TBX5: variants seen among roughly 807,000 people sequenced by gnomAD.
TBX5 encodes the protein T-box transcription factor TBX5.
TBX5 carries 8 observed loss-of-function variants against 51.1 expected under a neutral mutation model. The observed-to-expected ratio is 0.16, with a 90% CI of 0.09 to 0.28. The LOEUF (loss-of-function observed/expected upper bound fraction) is 0.28. Among genes scored for constraint, TBX5 ranks in the 10% least tolerant of loss-of-function variants. The pLI is 1.00. For missense variants in TBX5, 589 were observed against 671.7 expected (o/e 0.88, Z 1.36); for synonymous variants, 302 against 266.4 (o/e 1.13, Z -1.30).
intron 5 of TBX5, among the ~76,000 whole-genome samples, chr12:114,396,264 G>A (rs1423222149): frequency 1.3e-5 from 2 of 151,728 alleles, no homozygotes; most frequent in Non-Finnish European, 2.9e-5. Flanking sequence ...CGATAGCGAC[G>A]CCGACCGGGG....
chr12:114,357,695 C>G (rs1869000894), intron 8 of TBX5, among the ~76,000 whole-genome samples: 1 of 152,200 alleles, frequency 6.6e-6, no homozygotes, highest in African/African-American at 2.4e-5. Context: ...TCAGGGGAAG[C>G]AATACTTGGG....
Position 114,403,904 on chromosome 12 carries a change from G to T in TBX5, c.-6C>A, listed in dbSNP as rs1593886707. ...CCCTCGTCTGCGTCGGCCATGGTGCGCCCAGGGCCCTGTGCCCGCGCAAGG... is the reference window on the plus strand; with the variant it reads ...CCCTCGTCTGCGTCGGCCATGGTGCTCCCAGGGCCCTGTGCCCGCGCAAGG... On this transcript the variant is annotated 5_prime_UTR_variant, in exon 2 of 9. Transcript: ENST00000405440. The T allele has an allele frequency of 6.2e-7, 1 of 1,610,942 alleles. No homozygotes were observed. The highest frequency in any genetic ancestry group is 8.5e-7 in the Non-Finnish European group (1 of 1,179,762).
At chr12:114,363,054 A>G (rs2136369372) in intron 8 of TBX5, among the ~76,000 whole-genome samples, 1 of 152,372 alleles carries the variant, frequency 6.6e-6, no homozygotes, top group South Asian at 2.1e-4. Context: ...GCCTGTGGCA[A>G]GCACATGTTC....
At chr12:114,382,235 G>T (rs1245453928) in intron 7 of TBX5, among the ~76,000 whole-genome samples, 1 of 152,148 alleles carries the variant, frequency 6.6e-6, no homozygotes, top group African/African-American at 2.4e-5. Context: ...GACCACCTGA[G>T]CCTGGAAGGT....
intron 5 of TBX5, among the ~76,000 whole-genome samples, chr12:114,396,507 C>T (rs1157443054): frequency 1.3e-5 from 2 of 152,118 alleles, no homozygotes; most frequent in African/African-American, 2.4e-5. Context: ...GCTCCGAGCC[C>T]CTCTCCCCAG....
At chr12:114,405,604 C>G in intron 1 of TBX5, 24 bp downstream of exon 1, 1 of 752,516 alleles carries the variant, frequency 1.3e-6, no homozygotes, top group Non-Finnish European at 1.6e-6. Flanking sequence ...CTGAGCCTCC[C>G]GGGCCATCTG....
chr12:114,397,437 A>G (rs1454550665), intron 5 of TBX5, among the ~76,000 whole-genome samples: 2 of 152,268 alleles, frequency 1.3e-5, no homozygotes, highest in Admixed American at 6.5e-5. Flanking sequence ...CTTGTATGGC[A>G]GAATCATCCA....
chr12:114,400,100 G>A (rs1290808516), intron 3 of TBX5, among the ~76,000 whole-genome samples: 1 of 152,208 alleles, frequency 6.6e-6, no homozygotes, highest in Non-Finnish European at 1.5e-5. Context: ...CAAGGTGTGT[G>A]CGCCCCAGAG....
At chr12:114,399,094 C>T (rs1871627516) in intron 4 of TBX5, among the ~76,000 whole-genome samples, 3 of 152,200 alleles carry the variant, frequency 2.0e-5, no homozygotes, top group Non-Finnish European at 4.4e-5. Flanking sequence ...AAGAAATGGG[C>T]CTCTCCTAAC....
At chr12:114,362,501 A>G (rs942600908) in intron 8 of TBX5, among the ~76,000 whole-genome samples, 1 of 151,762 alleles carries the variant, frequency 6.6e-6, no homozygotes, top group Non-Finnish European at 1.5e-5. Flanking sequence ...GCTTTCCTCT[A>G]TGTGTGGATA....
intron 4 of TBX5, 32 bp downstream of exon 4, chr12:114,399,481 C>T: frequency 1.2e-6 from 2 of 1,613,422 alleles, no homozygotes; most frequent in Non-Finnish European, 1.7e-6. Flanking sequence ...ACTTTTCTCT[C>T]TCCCCGCTCC....
upstream of TBX5, chr12:114,408,284 G>A: frequency 4.4e-6 from 4 of 903,398 alleles, no homozygotes; most frequent in Non-Finnish European, 5.3e-6. Flanking sequence ...GGAGGAATGA[G>A]GGTGATGAAC....
intron 6 of TBX5, among the ~76,000 whole-genome samples, chr12:114,391,987 T>C (rs1238597550): frequency 6.6e-6 from 1 of 152,128 alleles, no homozygotes; most frequent in Non-Finnish European, 1.5e-5. Flanking sequence ...AAGGAATCTG[T>C]CAGGCTGGCT....
At chr12:114,388,656 A>T (rs1870963207) in intron 6 of TBX5, among the ~76,000 whole-genome samples, 1 of 146,510 alleles carries the variant, frequency 6.8e-6, no homozygotes. Context: ...AGTTTATTTT[A>T]AAATATTTTT....
At chr12:114,386,842 C>T (rs1373724851) in intron 6 of TBX5, among the ~76,000 whole-genome samples, 2 of 151,932 alleles carry the variant, frequency 1.3e-5, no homozygotes, top group African/African-American at 4.8e-5. Flanking sequence ...GCCTGTAATC[C>T]CAGCACTTTG....
chr12:114,368,126 T>C (rs1159618742), intron 7 of TBX5, among the ~76,000 whole-genome samples: 1 of 152,244 alleles, frequency 6.6e-6, no homozygotes, highest in African/African-American at 2.4e-5. Flanking sequence ...TAAGCTTCAC[T>C]ATAAGTGATC....
chr12:114,402,624 T>C (rs916674708), intron 2 of TBX5, among the ~76,000 whole-genome samples: 11 of 152,224 alleles, frequency 7.2e-5, no homozygotes, highest in Non-Finnish European at 1.3e-4. Context: ...CATCCAGCTA[T>C]TTTGATTATA....
intron 1 of TBX5, among the ~76,000 whole-genome samples, 185 bp downstream of exon 1, chr12:114,405,443 G>T (rs921053541): frequency 1.3e-5 from 2 of 152,136 alleles, no homozygotes; most frequent in African/African-American, 4.8e-5. Context: ...CCTCAATGCC[G>T]CTCCGCCAGC....
chr12:114,398,824 A>G, intron 4 of TBX5, 104 bp from the exon 5 acceptor site: 1 of 1,385,984 alleles, frequency 7.2e-7, no homozygotes, highest in Non-Finnish European at 1.0e-6. Flanking sequence ...GTTGTTGAGT[A>G]GTAGCTGGGA....
Sources: allele counts gnomAD v4.1 joint callset (sites outside exome capture counted in the v4.1 genomes callset), GRCh38; gene constraint gnomAD v4.1.1; transcripts MANE v1.5; gene names NCBI Gene and HGNC (gene_info 2026-07-23, HGNC 2026-07-21).